Variants in GATAD2A observed in about 807,000 individuals in gnomAD.
GATAD2A encodes GATA zinc finger domain containing 2A.
GATAD2A carries 12 observed loss-of-function variants against 68.5 expected under a neutral mutation model. The ratio of observed to expected loss-of-function variants is 0.18; its 90% CI spans 0.11 to 0.28. The LOEUF (loss-of-function observed/expected upper bound fraction) is 0.28, where lower values mean the gene tolerates loss of function less well. GATAD2A is among the 10% of genes least tolerant of loss of function. The pLI, the probability that GATAD2A is intolerant of heterozygous loss-of-function variation, is 1.00. For synonymous variants in GATAD2A, 410 were observed against 375.3 expected (o/e 1.09, Z -1.07); for missense variants, 755 against 868.5 (o/e 0.87, Z 1.64).
intron 9 of GATAD2A, among the ~76,000 whole-genome samples, chr19:19,501,670 G>A (rs1462857144): frequency 2.0e-5 from 3 of 152,232 alleles, no homozygotes; most frequent in South Asian, 2.1e-4. Flanking sequence ...CCAAAGGGGC[G>A]TTTGGAAAAA....
intron 1 of GATAD2A, chr19:19,436,237 A>C (rs769261460): frequency 1.5e-6 from 2 of 1,312,958 alleles, no homozygotes; most frequent in Admixed American, 3.8e-5. Context: ...CTTGGGGTGT[A>C]GTGTCTGTGG....
intron 2 of GATAD2A, among the ~76,000 whole-genome samples, chr19:19,489,811 A>G (rs1001969970): frequency 1.3e-5 from 2 of 152,240 alleles, no homozygotes; most frequent in Non-Finnish European, 2.9e-5. Context: ...AACTCTATAC[A>G]AGATGCTGCC....
chr19:19,442,771 GAAA>G (rs11366479), intron 1 of GATAD2A, among the ~76,000 whole-genome samples: 2 of 104,406 alleles, frequency 1.9e-5, no homozygotes, highest in African/African-American at 6.8e-5. Flanking sequence ...CCCCCAAGCT[GAAA>G]AAAAAAAAAA....
In GATAD2A at chr19:19,507,357, C is replaced by T. The variant is rs1281545767; in HGVS notation, c.*1883C>T. 6.6e-6 allele frequency: 1 copy of T among 152,136 alleles called. No individual in the cohort carries two copies. Among genetic ancestry groups the T allele is most frequent in the Admixed American group, 6.5e-5 (1 of 15,280 alleles). 9.4% of individuals were successfully genotyped at this position (152,136 alleles called of 1,614,324 possible). A position where few individuals can be genotyped will look rare whatever the true frequency, so the allele number is the denominator to read the frequency against. The stretch of plus-strand genomic sequence containing the variant: ...TCTCCTACGACCCTGAGCTGTTAGC[C>T]CTCTCTGTTCCATGACAGGGGCCAG... On this transcript the variant is annotated 3_prime_UTR_variant, in exon 12 of 12. Transcript: ENST00000683918.
At chr19:19,451,697 C>A (rs948453965) in intron 1 of GATAD2A, among the ~76,000 whole-genome samples, 1 of 152,174 alleles carries the variant, frequency 6.6e-6, no homozygotes, top group African/African-American at 2.4e-5. Context: ...ACATGCTCTA[C>A]AACTTGGTGA....
At chr19:19,504,263 G>A (rs1019835336) in intron 11 of GATAD2A, among the ~76,000 whole-genome samples, 5 of 152,194 alleles carry the variant, frequency 3.3e-5, no homozygotes, top group Admixed American at 3.3e-4. Context: ...TGTGCTGGGT[G>A]GGGGCATTTA....
intron 1 of GATAD2A, among the ~76,000 whole-genome samples, chr19:19,412,094 T>C (rs2051010864): frequency 6.6e-6 from 1 of 151,902 alleles, no homozygotes; most frequent in African/African-American, 2.4e-5. Flanking sequence ...CTCTCTTTTT[T>C]TTTTGGTGGG....
chr19:19,410,617 A>G (rs778398792), intron 1 of GATAD2A, among the ~76,000 whole-genome samples: 2 of 152,208 alleles, frequency 1.3e-5, no homozygotes, highest in Non-Finnish European at 2.9e-5. Context: ...TCGAGCACAC[A>G]CTTTAAAAAT....
chr19:19,414,836 CCTTT>C (rs1356027999), intron 1 of GATAD2A, among the ~76,000 whole-genome samples: 21 of 127,398 alleles, frequency 1.6e-4, no homozygotes, highest in Non-Finnish European at 3.0e-4. Flanking sequence ...CACCCTGCCC[CCTTT>C]TTTTTTTTTT....
At chr19:19,424,166 C>T (rs1391517488) in intron 1 of GATAD2A, among the ~76,000 whole-genome samples, 1 of 152,134 alleles carries the variant, frequency 6.6e-6, no homozygotes, top group African/African-American at 2.4e-5. Context: ...TCAAGTGATC[C>T]TCCCACCTCA....
At chr19:19,414,821 C>T (rs1259589742) in intron 1 of GATAD2A, among the ~76,000 whole-genome samples, 4 of 149,508 alleles carry the variant, frequency 2.7e-5, no homozygotes, top group Admixed American at 6.7e-5. Context: ...AGGTGTGAGC[C>T]ACCACACCCT....
chr19:19,478,861 T>C (rs2058859195), intron 2 of GATAD2A, among the ~76,000 whole-genome samples: 1 of 151,996 alleles, frequency 6.6e-6, no homozygotes, highest in African/African-American at 2.4e-5. Flanking sequence ...TAAAGATGAC[T>C]ATAGTAGACC....
At chr19:19,468,818 G>A (rs759345849) in intron 2 of GATAD2A, among the ~76,000 whole-genome samples, 10 of 152,148 alleles carry the variant, frequency 6.6e-5, no homozygotes, top group South Asian at 2.1e-4. Context: ...TAAATGACAC[G>A]TTGGCAGCTT....
chr19:19,493,850 C>T (rs545971382), intron 4 of GATAD2A, among the ~76,000 whole-genome samples: 1 of 151,792 alleles, frequency 6.6e-6, no homozygotes, highest in African/African-American at 2.4e-5. Flanking sequence ...TGGAGGGACA[C>T]CAAGTCTGTC....
At chr19:19,389,178 A>T (rs537043449) in intron 1 of GATAD2A, among the ~76,000 whole-genome samples, 2 of 152,182 alleles carry the variant, frequency 1.3e-5, no homozygotes, top group East Asian at 3.9e-4. Flanking sequence ...GAATGCTGGC[A>T]TTGAGAGATG....
intron 1 of GATAD2A, among the ~76,000 whole-genome samples, chr19:19,449,022 T>A (rs2056074297): frequency 6.6e-6 from 1 of 152,182 alleles, no homozygotes. Context: ...TTGGGAGTTT[T>A]CAGGCAATCA....
rs188327834 is a variant in GATAD2A at position 19,420,113 on chromosome 19, C to T, written c.-7+14094C>T. On this transcript the variant is annotated intron_variant, in intron 1 of 11. Transcript: ENST00000683918. ...GCAACCTCTACTTCCCAGGTTCAAG[C>T]GATTCTCCTGTCTCAGCCCCCTGAG... 1.0e-3 allele frequency among the ~76,000 whole-genome samples: 148 copies of T among 141,350 alleles called. 1 individual carries two copies. Among genetic ancestry groups the T allele is most frequent in the Non-Finnish European group, 1.5e-3 (98 of 66,484 alleles). The allele number at this position is 141,350 out of a possible 152,430, so 92.7% of individuals were successfully genotyped here.
chr19:19,465,421 A>C lies in GATAD2A; in HGVS notation c.76A>C (p.Ser26Arg). Reference sequence around the variant, plus strand: ...GGACCCAACAGAGGACGATGTGGAGAGCAAGAAAATAAAAATGGAGAGAGG... The same window carrying C: ...GGACCCAACAGAGGACGATGTGGAGCGCAAGAAAATAAAAATGGAGAGAGG... ...ERDPTEDDVESKKIKMERGLL... is the reference protein window; with the variant it reads ...ERDPTEDDVERKKIKMERGLL... The change falls in exon 2 of 12, where the codon AGC (serine) becomes CGC (arginine). Residue 26 changes from serine to arginine, a missense_variant. Physicochemically the swap from Ser to Arg is moderately radical, Grantham distance 110. Coordinates refer to ENST00000683918, the MANE Select transcript of GATAD2A (RefSeq NM_001384528.1). 3 of 1,613,842 alleles carry C rather than the reference A, an allele frequency of 1.9e-6. No individual in the cohort carries two copies. Among genetic ancestry groups the C allele is most frequent in the Non-Finnish European group, 2.5e-6 (3 of 1,179,696 alleles).
intron 1 of GATAD2A, among the ~76,000 whole-genome samples, chr19:19,443,229 C>T (rs2055311855): frequency 6.6e-6 from 1 of 152,186 alleles, no homozygotes; most frequent in Non-Finnish European, 1.5e-5. Context: ...GACAGTGATT[C>T]TCCCTAGCTG....
Sources: gnomAD v4.1 joint callset for allele counts (sites outside exome capture counted in the v4.1 genomes callset) on GRCh38, gnomAD v4.1.1 for gene constraint, MANE v1.5 for transcripts, NCBI Gene and HGNC (gene_info 2026-07-23, HGNC 2026-07-21) for gene names.